Variants in ERCC6 observed in about 807,000 individuals in gnomAD.
ERCC6 encodes DNA excision repair protein ERCC-6.
A neutral mutation model predicts 158.7 loss-of-function variants in ERCC6; 116 were observed. The observed-to-expected ratio is 0.73, with a 90% CI of 0.63 to 0.85. The LOEUF (loss-of-function observed/expected upper bound fraction) is 0.85, where lower values mean the gene tolerates loss of function less well. ERCC6 is among the 40% of genes least tolerant of loss of function. The pLI is 0.00. For missense variants in ERCC6, 1,698 were observed against 1,799.4 expected, an observed-to-expected ratio of 0.94 and a Z score of 1.02; for synonymous variants, 678 against 659.3, an observed-to-expected ratio of 1.03 and a Z score of -0.43.
At chr10:49,493,942 T>C (rs1416054414) in intron 7 of ERCC6, among the ~76,000 whole-genome samples, 1 of 152,244 alleles carries the variant, frequency 6.6e-6, no homozygotes, top group Admixed American at 6.5e-5. Context: ...CACTGCTGTG[T>C]GGGCAGGTAG....
rs1837499475 is a variant in ERCC6, at chr10:49,532,732, T to C, written c.233A>G (p.His78Arg). ...RGPALLHIDR[H>R]QIQAVEPSAQ... ...GCTAGGCTCTACTGCCTGGATCTGA[T>C]GTCGGTCGATGTGCAGCAGGGCTGG... is the stretch of plus-strand genomic sequence containing the variant. The change falls in exon 2 of 21, where the codon CAT becomes CGT. Residue 78 changes from histidine (H) to arginine (R), a missense_variant. Coordinates refer to ENST00000355832, the MANE Select transcript of ERCC6 (RefSeq NM_000124.4). 6.2e-7 allele frequency: 1 copy of C among 1,614,136 alleles called. No individual in the cohort carries two copies. The highest frequency in any genetic ancestry group is 1.7e-5 in the Admixed American group (1 of 60,008).
At chr10:49,483,286 T>C in intron 9 of ERCC6, 60 bp downstream of exon 9, 1 of 1,522,520 alleles carries the variant, frequency 6.6e-7, no homozygotes, top group African/African-American at 1.4e-5. Context: ...AGCAGATAGT[T>C]TATTCTGAAT....
At chr10:49,440,028 C>A in the ERCC6 span, among the ~76,000 whole-genome samples, 1 of 152,194 alleles carries the variant, frequency 6.6e-6, no homozygotes, top group Middle Eastern at 3.2e-3. Context: ...CCACATTTTC[C>A]TGTCCTCTTC....
chr10:49,502,991 C>T (rs1048637068), intron 6 of ERCC6: 4 of 152,172 alleles, frequency 2.6e-5, no homozygotes, highest in Non-Finnish European at 5.9e-5. Flanking sequence ...AGAATCACTA[C>T]ATTCTAGTCA....
chr10:49,465,226 G>A (rs555952919), intron 18 of ERCC6, among the ~76,000 whole-genome samples: 1 of 152,356 alleles, frequency 6.6e-6, no homozygotes, highest in Non-Finnish European at 1.5e-5. Context: ...GGAGCTTTAA[G>A]ATTTGACTGC....
chr10:49,524,489 G>A lies in ERCC6; in HGVS notation c.941C>T (p.Pro314Leu). Residue 314 changes from proline (P) to leucine (L), a missense_variant, in exon 5 of 21, where the codon CCA (proline) becomes CTA (leucine). Physicochemically the swap from Pro to Leu is moderately conservative, Grantham distance 98 (BLOSUM62 -3). Coordinates refer to ENST00000355832, the MANE Select transcript of ERCC6 (RefSeq NM_000124.4). ...GGACAGAACTCTGGCTTTCTTGTTTGGTTTGTTTTTATTTTGCACTGGGGC... is the reference window on the plus strand; with the variant it reads ...GGACAGAACTCTGGCTTTCTTGTTTAGTTTGTTTTTATTTTGCACTGGGGC... ...PPAPVQNKNK[P>L]NKKARVLSKK... 1 of 1,614,202 alleles carries A rather than the reference G, an allele frequency of 6.2e-7. No homozygotes were observed. Among genetic ancestry groups the A allele is most frequent in the Non-Finnish European group, 8.5e-7 (1 of 1,180,042 alleles).
chr10:49,482,011 C>G (rs968686994), intron 10 of ERCC6, among the ~76,000 whole-genome samples: 1 of 152,192 alleles, frequency 6.6e-6, no homozygotes, highest in African/African-American at 2.4e-5. Context: ...TAACCCAGCC[C>G]TCCCTGAGTG....
chr10:49,472,946 A>G lies in ERCC6; in HGVS notation c.2792T>C (p.Ile931Thr). ...VNLTGANRVV[I>T]YDPDWNPSTD... ...GCTTGGGTTCCAGTCTGGGTCATAG[A>G]TGACAACTCTGTTTGCCCCCGTCAG... Residue 931 changes from isoleucine (I) to threonine (T), a missense_variant, in exon 15 of 21, where the codon ATC becomes ACC. Transcript: ENST00000355832. 2 of 1,614,148 alleles carry G rather than the reference A, an allele frequency of 1.2e-6. No individual in the cohort carries two copies. The highest frequency in any genetic ancestry group is 1.7e-6 in the Non-Finnish European group (2 of 1,180,010).
At chr10:49,515,359 A>C in intron 5 of ERCC6, 1 of 1,612,694 alleles carries the variant, frequency 6.2e-7, no homozygotes, top group South Asian at 1.1e-5. Context: ...TCAACGGAAC[A>C]CTTCACATGT....
In ERCC6 at chr10:49,473,502, T is replaced by C; in HGVS notation, c.2684A>G (p.Gln895Arg). 6.2e-7 allele frequency: 1 copy of C among 1,611,392 alleles called. No homozygotes were observed. Among genetic ancestry groups the C allele is most frequent in the Non-Finnish European group, 8.5e-7 (1 of 1,177,442 alleles). Residue 895 changes from glutamine to arginine, a missense_variant, in exon 14 of 21, where the codon CAG becomes CGG. Transcript: ENST00000355832. The stretch of plus-strand genomic sequence containing the variant: ...CTCATTGTATCTCGTAATCAGTGGC[T>C]GTCTTGAAGCTATTGTAGTGGTACC... ...MDGTTTIASR[Q>R]PLITRYNEDT...
chr10:49,462,377 C>A (rs1285336225), intron 18 of ERCC6, among the ~76,000 whole-genome samples: 6 of 152,012 alleles, frequency 3.9e-5, no homozygotes, highest in Non-Finnish European at 8.8e-5. Context: ...GATCAGAAAT[C>A]TGAATGTAAA....
At position 49,483,687 on chromosome 10, in the gene ERCC6, G is replaced by A. The variant is rs4253161; in HGVS notation, c.1822-171C>T. On this transcript the variant is annotated intron_variant, in intron 8 of 20. Transcript: ENST00000355832. ...CTTGTTAACCTGGCAAGTAGTAAAC[G>A]CTGACTAATACAGCCGTTATTAGGG... 0.016 allele frequency among the ~76,000 whole-genome samples: 2,442 copies of A among 152,056 alleles called. 43 individuals carry two copies. The highest frequency in any genetic ancestry group is 0.021 in the Middle Eastern group (6 of 292).
At chr10:49,515,964 G>A in intron 5 of ERCC6, 2 of 1,614,110 alleles carry the variant, frequency 1.2e-6, no homozygotes, top group Non-Finnish European at 1.7e-6. Flanking sequence ...TGATTCCAGT[G>A]GAACTCTGTC....
Position 49,473,589 on chromosome 10 carries a change from T to A in ERCC6, c.2599-2A>T. ...GAATACTTCAAGTATGTCCAGCATC[T>A]GTTTGGAGGTGGGGGATAGGAGTTT... On this transcript the variant is annotated splice_acceptor_variant, in intron 13 of 20. Coordinates refer to ENST00000355832, the MANE Select transcript of ERCC6 (RefSeq NM_000124.4). LOFTEE classifies it high-confidence loss of function. 1 of 1,549,650 alleles carries A rather than the reference T, an allele frequency of 6.5e-7. No homozygotes were observed. Among genetic ancestry groups the A allele is most frequent in the Non-Finnish European group, 8.9e-7 (1 of 1,121,144 alleles).
intron 1 of ERCC6, among the ~76,000 whole-genome samples, chr10:49,536,124 T>C (rs1917802): frequency 0.091 from 13,847 of 151,770 alleles, 857 homozygotes; most frequent in South Asian, 0.2. Flanking sequence ...CTCGAAAAAA[T>C]AAAAAAGTTT....
Position 49,483,503 on chromosome 10 carries a change from C to G in ERCC6, c.1835G>C (p.Arg612Pro). ...AATTCCATGACAATGAGCAACATCTCGAATTAGTTTCTCCTGAGACCACAA... is the reference window on the plus strand; with the variant it reads ...AATTCCATGACAATGAGCAACATCTGGAATTAGTTTCTCCTGAGACCACAA... ...SYTHKKEKLI[R>P]DVAHCHGILI... Residue 612 changes from arginine to proline, a missense_variant, in exon 9 of 21, where the codon CGA becomes CCA. By Grantham distance (103) the Arg-to-Pro change is moderately radical. Coordinates refer to ENST00000355832, the MANE Select transcript of ERCC6 (RefSeq NM_000124.4). 1 of 1,613,978 alleles carries G rather than the reference C, an allele frequency of 6.2e-7. No individual in the cohort carries two copies. The highest frequency in any genetic ancestry group is 8.5e-7 in the Non-Finnish European group (1 of 1,179,952).
rs1438712321 is a variant in ERCC6 at position 49,457,337 on chromosome 10, A to G, written c.*1478T>C. ...TATATATAAACCAAACTAAAAACAAAAGAAATGAACAAGCTATAATCCAAA... is the reference window on the plus strand; with the variant it reads ...TATATATAAACCAAACTAAAAACAAGAGAAATGAACAAGCTATAATCCAAA... On this transcript the variant is annotated 3_prime_UTR_variant, in exon 21 of 21. Coordinates refer to ENST00000355832, the MANE Select transcript of ERCC6 (RefSeq NM_000124.4). 1.3e-5 allele frequency: 2 copies of G among 152,202 alleles called. No individual in the cohort carries two copies. Among genetic ancestry groups the G allele is most frequent in the African/African-American group, 2.4e-5 (1 of 41,458 alleles). 9.4% of individuals were successfully genotyped at this position (152,202 alleles called of 1,614,324 possible).
chr10:49,478,468 G>A lies in ERCC6; in HGVS notation c.2172C>T (p.Val724=). The A allele has an allele frequency of 6.3e-7, 1 of 1,592,632 alleles. No homozygotes were observed. The highest frequency in any genetic ancestry group is 8.6e-7 in the Non-Finnish European group (1 of 1,161,674). Residue 724 remains valine, a splice_region_variant and synonymous_variant, in exon 11 of 21, where the codon GTC becomes GTT. Transcript: ENST00000355832. ...CACATGCACACTTGTAAGCAGTTTTGACCTTTAATAAGAGCAGAGAAGGGA... is the reference window on the plus strand; with the variant it reads ...CACATGCACACTTGTAAGCAGTTTTAACCTTTAATAAGAGCAGAGAAGGGA... ...GGYSNASPVQ[V]KTAYKCACVL...
rs758679804 is a variant in ERCC6 at position 49,458,988 on chromosome 10, A to T, written c.4309T>A (p.Phe1437Ile). Residue 1437 changes from phenylalanine to isoleucine, a missense_variant, in exon 21 of 21, where the codon TTC becomes ATC. Physicochemically the swap from Phe to Ile is conservative, Grantham distance 21 (BLOSUM62 0). Coordinates refer to ENST00000355832, the MANE Select transcript of ERCC6 (RefSeq NM_000124.4). ...LLVEMRNFIA[F>I]QAHTDGQAST... ...GCCTGGCCATCAGTGTGGGCCTGGAAAGCGATGAAGTTTCTCATCTCCACC... is the reference window on the plus strand; with the variant it reads ...GCCTGGCCATCAGTGTGGGCCTGGATAGCGATGAAGTTTCTCATCTCCACC... The T allele has an allele frequency of 2.3e-4, 373 of 1,614,026 alleles. No homozygotes were observed. Among genetic ancestry groups the T allele is most frequent in the Non-Finnish European group, 3.0e-4 (351 of 1,180,018 alleles).
Sources: gnomAD v4.1 joint callset for allele counts (sites outside exome capture counted in the v4.1 genomes callset) on GRCh38, gnomAD v4.1.1 for gene constraint, MANE v1.5 for transcripts, NCBI Gene and HGNC (gene_info 2026-07-23, HGNC 2026-07-21) for gene names.